Variants in CACNA2D3 observed in about 807,000 individuals in gnomAD.
The protein encoded by CACNA2D3 is voltage-dependent calcium channel subunit alpha-2/delta-3.
Under a neutral mutation model 160.6 loss-of-function variants are expected in CACNA2D3, and 60 were observed. The observed-to-expected ratio is 0.37, with a 90% CI of 0.30 to 0.46. The LOEUF is 0.46. Among genes scored for constraint, CACNA2D3 ranks in the 20% least tolerant of loss-of-function variants. CACNA2D3 has a pLI of 1.00. For synonymous variants in CACNA2D3, 558 were observed against 492.9 expected (o/e 1.13, Z -1.75); for missense variants, 1,205 against 1,365.0 (o/e 0.88, Z 1.85).
chr3:54,848,156 T>G (rs1452156335), intron 17 of CACNA2D3, among the ~76,000 whole-genome samples: 1 of 152,202 alleles, frequency 6.6e-6, no homozygotes, highest in Admixed American at 6.5e-5. Flanking sequence ...TAGCAGTCTT[T>G]TATGTCTTCT....
At chr3:54,840,556 G>A (rs1357759315) in intron 16 of CACNA2D3, among the ~76,000 whole-genome samples, 1 of 151,154 alleles carries the variant, frequency 6.6e-6, no homozygotes, top group Non-Finnish European at 1.5e-5. Context: ...GATTACAGGT[G>A]CACGCCACCA....
intron 12 of CACNA2D3, among the ~76,000 whole-genome samples, chr3:54,754,375 G>A (rs1701931907): frequency 6.6e-6 from 1 of 151,934 alleles, no homozygotes; most frequent in Non-Finnish European, 1.5e-5. Context: ...GTCATCTACA[G>A]AGCAGAGGTA....
At position 54,856,242 on chromosome 3, in the gene CACNA2D3, G is replaced by C. The variant is rs553274508; in HGVS notation, c.1626+9775G>C. Among the ~76,000 whole-genome samples the C allele has an allele frequency of 2.4e-3, 332 of 138,448 alleles. 1 individual carries two copies. The highest frequency in any genetic ancestry group is 7.9e-3 in the African/African-American group (323 of 40,952). The allele number at this position is 138,448 out of a possible 152,430, so 90.8% of individuals were successfully genotyped here. A position where few individuals can be genotyped will look rare whatever the true frequency, so the allele number is the denominator to read the frequency against. ...ATATGTTATCAAGCACCACGGTTGA[G>C]AGTACTGACAAGAAGGAGAATTTAT... On this transcript the variant is annotated intron_variant, in intron 17 of 37. Transcript: ENST00000474759.
At chr3:55,004,007 C>G (rs529583914) in intron 31 of CACNA2D3, among the ~76,000 whole-genome samples, 1 of 152,270 alleles carries the variant, frequency 6.6e-6, no homozygotes, top group East Asian at 1.9e-4. Context: ...CGAACACATG[C>G]TACCAGAAAT....
intron 9 of CACNA2D3, among the ~76,000 whole-genome samples, chr3:54,599,078 A>G (rs1575371772): frequency 1.3e-5 from 2 of 152,298 alleles, no homozygotes; most frequent in Admixed American, 1.3e-4. Flanking sequence ...CGCCCTATTG[A>G]GTTGCTTGCA....
At chr3:54,859,972 G>GCGCGCGCGCACACACACACACA (rs535185040) in intron 17 of CACNA2D3, among the ~76,000 whole-genome samples, 28 of 133,880 alleles carry the variant, frequency 2.1e-4, no homozygotes, top group African/African-American at 7.0e-4. Flanking sequence ...GAAAGTAGAT[G>GCGCGCGCGCACACACACACACA]CACACACACA....
chr3:54,130,246 A>G (rs1699682032), intron 2 of CACNA2D3, among the ~76,000 whole-genome samples: 1 of 152,154 alleles, frequency 6.6e-6, no homozygotes, highest in Non-Finnish European at 1.5e-5. Context: ...TTACCCTCTC[A>G]GCTCCATTCA....
intron 5 of CACNA2D3, among the ~76,000 whole-genome samples, chr3:54,505,548 A>G (rs1251657376): frequency 2.6e-5 from 4 of 152,168 alleles, no homozygotes; most frequent in African/African-American, 9.7e-5. Context: ...AGTGGAGTTT[A>G]GTTCTCTAGA....
rs568511776 is a variant in CACNA2D3, at chr3:54,880,545, C to G, written c.1845-251C>G. 5.3e-5 allele frequency among the ~76,000 whole-genome samples: 8 copies of G among 152,296 alleles called. No homozygotes were observed. The East Asian group carries it at 1.5e-3, about 29-fold the overall frequency. On this transcript the variant is annotated intron_variant, in intron 20 of 37. Transcript: ENST00000474759. ...TGGAAGGGCGAGCAGTTTGCCACAACTCTGAAAACACAAAGAGTAGCCAAT... is the reference window on the plus strand; with the variant it reads ...TGGAAGGGCGAGCAGTTTGCCACAAGTCTGAAAACACAAAGAGTAGCCAAT...
chr3:54,543,379 A>G (rs906040340), intron 5 of CACNA2D3, among the ~76,000 whole-genome samples: 6 of 152,174 alleles, frequency 3.9e-5, no homozygotes, highest in African/African-American at 1.4e-4. Context: ...GGTGACTTTA[A>G]TTTCCTTTCT....
At chr3:55,014,603 G>A (rs183913917) in intron 34 of CACNA2D3, among the ~76,000 whole-genome samples, 17 of 151,998 alleles carry the variant, frequency 1.1e-4, no homozygotes, top group Non-Finnish European at 1.9e-4. Context: ...ATGATGGCGC[G>A]TGCCTGTAAT....
In CACNA2D3 at chr3:54,250,454, A is replaced by G. The variant is rs377669267; in HGVS notation, c.205-69988A>G. 2.6e-5 allele frequency among the ~76,000 whole-genome samples: 4 copies of G among 152,212 alleles called. No homozygotes were observed. In the East Asian group the frequency reaches 7.7e-4, roughly 29 times the overall value. On this transcript the variant is annotated intron_variant, in intron 2 of 37. Coordinates refer to ENST00000474759, the MANE Select transcript of CACNA2D3 (RefSeq NM_018398.3). ...ATTAAAATAAATACTTTTTTTAAGG[A>G]GCAAGGTCTTGCTTTGTCACCTAGA...
intron 11 of CACNA2D3, among the ~76,000 whole-genome samples, chr3:54,722,713 A>T (rs919982005): frequency 2.6e-5 from 4 of 152,168 alleles, no homozygotes; most frequent in African/African-American, 9.7e-5. Flanking sequence ...CCTGGGTATC[A>T]CTAGCAGAGG....
chr3:54,782,166 C>A (rs1187815088), intron 13 of CACNA2D3, among the ~76,000 whole-genome samples: 3 of 152,164 alleles, frequency 2.0e-5, no homozygotes, highest in Admixed American at 2.0e-4. Flanking sequence ...TAAATACTAG[C>A]TGGAAGGTAT....
chr3:54,189,487 C>T (rs1370271535), intron 2 of CACNA2D3, among the ~76,000 whole-genome samples: 3 of 152,180 alleles, frequency 2.0e-5, no homozygotes, highest in Non-Finnish European at 4.4e-5. Context: ...CTTGCTATCC[C>T]ATCCTTCCAT....
chr3:54,588,484 A>G (rs536544304), intron 9 of CACNA2D3, among the ~76,000 whole-genome samples: 1 of 152,174 alleles, frequency 6.6e-6, no homozygotes, highest in Non-Finnish European at 1.5e-5. Context: ...TAAAAGGCAT[A>G]CGGGTTACAA....
chr3:54,258,591 T>C (rs144156721), intron 2 of CACNA2D3, among the ~76,000 whole-genome samples: 1 of 152,332 alleles, frequency 6.6e-6, no homozygotes, highest in Non-Finnish European at 1.5e-5. Context: ...ACTTAGTTTG[T>C]CTTTGAGATG....
chr3:54,718,279 G>A (rs1434070779), intron 11 of CACNA2D3, among the ~76,000 whole-genome samples: 1 of 151,990 alleles, frequency 6.6e-6, no homozygotes, highest in East Asian at 1.9e-4. Flanking sequence ...TATGGACAGT[G>A]CTCTTTTATA....
intron 20 of CACNA2D3, among the ~76,000 whole-genome samples, chr3:54,880,044 A>C (rs1431823179): frequency 6.6e-6 from 1 of 152,214 alleles, no homozygotes; most frequent in Non-Finnish European, 1.5e-5. Context: ...CTGGCGTCTC[A>C]GAGCTAAGGA....
Sources: gnomAD v4.1 joint callset for allele counts (sites outside exome capture counted in the v4.1 genomes callset) on GRCh38, gnomAD v4.1.1 for gene constraint, MANE v1.5 for transcripts, NCBI Gene and HGNC (gene_info 2026-07-23, HGNC 2026-07-21) for gene names.